FAM227B: variants seen among roughly 807,000 people sequenced by gnomAD.
FAM227B encodes the protein protein FAM227B.
In FAM227B, 88 loss-of-function variants were observed where a neutral mutation model predicts 73.8. That is an observed-to-expected ratio of 1.19 (90% CI 1.00 to 1.42). The LOEUF (loss-of-function observed/expected upper bound fraction) is 1.42. FAM227B is among the 40% of genes most tolerant of loss of function. The pLI, the probability that FAM227B is intolerant of heterozygous loss-of-function variation, is 0.00. For synonymous variants in FAM227B, 210 were observed against 190.5 expected, an observed-to-expected ratio of 1.10 and a Z score of -0.84; for missense variants, 632 against 590.9, an observed-to-expected ratio of 1.07 and a Z score of -0.72.
At chr15:49,478,793 G>A (rs2055609533) in intron 11 of FAM227B, among the ~76,000 whole-genome samples, 1 of 152,036 alleles carries the variant, frequency 6.6e-6, no homozygotes, top group African/African-American at 2.4e-5. Context: ...GCTGAGATTG[G>A]TGGGCATGGA....
chr15:49,488,082 C>T (rs1055326720), intron 11 of FAM227B: 1 of 151,942 alleles, frequency 6.6e-6, no homozygotes, highest in Non-Finnish European at 1.5e-5. Flanking sequence ...AATCAGAATA[C>T]ATCACTGATA....
chr15:49,614,834 A>G (rs1193393551), intron 2 of FAM227B: 3 of 335,186 alleles, frequency 9.0e-6, no homozygotes, highest in Non-Finnish European at 1.7e-5. Flanking sequence ...TTTCCCACAC[A>G]TGGTTACATT....
rs866157542 is a variant in FAM227B at position 49,489,843 on chromosome 15, A to T, written c.1012+18368T>A. Among the ~76,000 whole-genome samples the T allele has an allele frequency of 8.7e-3, 125 of 14,424 alleles. 7 individuals are homozygous for T. The highest frequency in any genetic ancestry group is 0.067 in the Middle Eastern group (2 of 30). 9.5% of individuals were successfully genotyped at this position (14,424 alleles called of 152,430 possible). On this transcript the variant is annotated intron_variant, in intron 11 of 15. Transcript: ENST00000299338. ...TATTTTATATATATATATATATTTT[A>T]TATATATATATATATTTTATATATA...
At chr15:49,479,747 G>T (rs2055749508) in intron 11 of FAM227B, among the ~76,000 whole-genome samples, 1 of 151,518 alleles carries the variant, frequency 6.6e-6, no homozygotes, top group African/African-American at 2.4e-5. Flanking sequence ...CCGAGTAACT[G>T]GGATTACAGA....
chr15:49,444,392 T>G (rs1056514832), intron 11 of FAM227B, among the ~76,000 whole-genome samples: 1 of 151,774 alleles, frequency 6.6e-6, no homozygotes. Flanking sequence ...GATTATGTTT[T>G]ATAGTATGAA....
At chr15:49,403,055 A>C (rs768395230) in intron 11 of FAM227B, among the ~76,000 whole-genome samples, 2 of 152,102 alleles carry the variant, frequency 1.3e-5, no homozygotes, top group Non-Finnish European at 2.9e-5. Context: ...TTTTGTCTTT[A>C]GTTCTGTTTA....
At chr15:49,396,239 G>A (rs1048117124) in intron 11 of FAM227B, 11 of 351,008 alleles carry the variant, frequency 3.1e-5, no homozygotes, top group South Asian at 1.4e-4. Context: ...GGTGACGGAC[G>A]GCACCTGGAA....
chr15:49,479,826 C>CA (rs1253306855), intron 11 of FAM227B, among the ~76,000 whole-genome samples: 1 of 151,996 alleles, frequency 6.6e-6, no homozygotes, highest in Non-Finnish European at 1.5e-5. Context: ...ATTTGCCAGG[C>CA]TGGTCTTGAA....
At position 49,338,539 on chromosome 15, in the gene FAM227B, C is replaced by G. The variant is rs1047808616; in HGVS notation, c.1272-3043G>C. On this transcript the variant is annotated intron_variant, in intron 13 of 15. Coordinates refer to ENST00000299338, the MANE Select transcript of FAM227B (RefSeq NM_152647.3). Reference sequence around the variant, plus strand: ...TCCCTTTGTGGGTAACCCAACCTTTCTCTCTGGCTGCCCTTAACATTTTTT... The same window carrying G: ...TCCCTTTGTGGGTAACCCAACCTTTGTCTCTGGCTGCCCTTAACATTTTTT... Among the ~76,000 whole-genome samples, 5 of 152,302 alleles carry G rather than the reference C, an allele frequency of 3.3e-5. No homozygotes were observed. The South Asian group carries it at 1.0e-3, about 32-fold the overall frequency.
intron 11 of FAM227B, among the ~76,000 whole-genome samples, chr15:49,426,152 A>C (rs1428793830): frequency 1.3e-5 from 2 of 151,730 alleles, no homozygotes; most frequent in Non-Finnish European, 2.9e-5. Flanking sequence ...ATCTGGGGAC[A>C]ATTTCTTTGT....
chr15:49,366,708 G>C, intron 13 of FAM227B: 2 of 1,329,826 alleles, frequency 1.5e-6, no homozygotes, highest in Non-Finnish European at 2.1e-6. Flanking sequence ...GGCGGGTGGG[G>C]TGGCGCGGCG....
intron 15 of FAM227B, chr15:49,329,028 A>C (rs2038073811): frequency 3.0e-6 from 3 of 1,008,018 alleles, no homozygotes; most frequent in Non-Finnish European, 3.6e-6. Flanking sequence ...CTCTTTTTCT[A>C]CTACTTTTTC....
chr15:49,354,268 C>A (rs867915390), intron 13 of FAM227B, among the ~76,000 whole-genome samples: 2 of 152,202 alleles, frequency 1.3e-5, no homozygotes, highest in South Asian at 4.1e-4. Flanking sequence ...AGGAACAGCT[C>A]CGGTCTACAG....
At chr15:49,495,402 T>TGCCTTATGTTATTCACTCTGC (rs2057511326) in intron 11 of FAM227B, among the ~76,000 whole-genome samples, 1 of 152,228 alleles carries the variant, frequency 6.6e-6, no homozygotes, top group South Asian at 2.1e-4. Context: ...GGCTACTCTG[T>TGCCTTATGTTATTCACTCTGC]GCCTTATGTT....
intron 11 of FAM227B, among the ~76,000 whole-genome samples, chr15:49,420,443 T>C (rs1448948788): frequency 2.0e-5 from 3 of 152,044 alleles, no homozygotes; most frequent in Non-Finnish European, 4.4e-5. Context: ...CTACCTTTTG[T>C]ATAAAAAGGG....
Position 49,480,759 on chromosome 15 carries a change from A to G in FAM227B, c.1012+27452T>C, listed in dbSNP as rs551995845. Among the ~76,000 whole-genome samples the G allele has an allele frequency of 5.3e-5, 8 of 152,300 alleles. No homozygotes were observed. In the East Asian group the frequency reaches 1.5e-3, roughly 29 times the overall value. On this transcript the variant is annotated intron_variant, in intron 11 of 15. Coordinates refer to ENST00000299338, the MANE Select transcript of FAM227B (RefSeq NM_152647.3). The stretch of plus-strand genomic sequence containing the variant: ...CGGCCTCCCAAAGTGCTGGGATTAC[A>G]GGTGTGAGCTACCACATCCAGCCAT...
At chr15:49,480,222 T>C (rs2055805228) in intron 11 of FAM227B, among the ~76,000 whole-genome samples, 1 of 152,180 alleles carries the variant, frequency 6.6e-6, no homozygotes, top group East Asian at 1.9e-4. Context: ...CAGTTAAACG[T>C]AGAATCTTTA....
intron 11 of FAM227B, among the ~76,000 whole-genome samples, chr15:49,400,679 C>G (rs931548472): frequency 7.0e-6 from 1 of 141,962 alleles, no homozygotes; most frequent in African/African-American, 2.7e-5. Flanking sequence ...CAGAACAGAG[C>G]CCTCAGAAAT....
chr15:49,344,558 T>A (rs1478569769), intron 13 of FAM227B, among the ~76,000 whole-genome samples: 1 of 152,204 alleles, frequency 6.6e-6, no homozygotes, highest in Non-Finnish European at 1.5e-5. Flanking sequence ...GAGGGAGGAC[T>A]GTAACTCTTT....
Sources: allele counts gnomAD v4.1 joint callset (sites outside exome capture counted in the v4.1 genomes callset), GRCh38; gene constraint gnomAD v4.1.1; transcripts MANE v1.5; gene names NCBI Gene and HGNC (gene_info 2026-07-23, HGNC 2026-07-21).